Variants in MARCHF10 observed in about 807,000 individuals in gnomAD.
MARCHF10 encodes probable E3 ubiquitin-protein ligase MARCHF10.
MARCHF10 carries 64 observed loss-of-function variants against 76.2 expected under a neutral mutation model. The observed-to-expected ratio is 0.84, with a 90% CI of 0.69 to 1.03. The LOEUF (loss-of-function observed/expected upper bound fraction) is 1.03, where lower values mean the gene tolerates loss of function less well. Among genes scored for constraint, MARCHF10 ranks in the 50% least tolerant of loss-of-function variants. The probability of loss-of-function intolerance (pLI) is 0.00; values close to 1 mark genes in which losing one functional copy is unlikely to be tolerated. For synonymous variants in MARCHF10, 340 were observed against 357.5 expected (o/e 0.95, Z 0.55); for missense variants, 875 against 958.0 (o/e 0.91, Z 1.14).
intron 9 of MARCHF10, among the ~76,000 whole-genome samples, chr17:62,706,754 G>A (rs1568087965): frequency 1.3e-5 from 2 of 152,144 alleles, no homozygotes; most frequent in Non-Finnish European, 2.9e-5. Context: ...ACAGAGTAGG[G>A]TCCTTGCTCC....
chr17:62,797,835 G>A (rs148617640), intron 2 of MARCHF10, among the ~76,000 whole-genome samples: 231 of 152,326 alleles, frequency 1.5e-3, no homozygotes, highest in African/African-American at 5.4e-3. Context: ...AATGGTCTTG[G>A]ACAGAAATTA....
chr17:62,714,331 C>T (rs1174735309), intron 8 of MARCHF10: 1 of 926,548 alleles, frequency 1.1e-6, no homozygotes, highest in Non-Finnish European at 1.3e-6. Context: ...ACCAAAGGGA[C>T]TCAATTTGTA....
intron 9 of MARCHF10, among the ~76,000 whole-genome samples, chr17:62,708,114 T>A (rs1235031448): frequency 6.6e-6 from 1 of 151,978 alleles, no homozygotes; most frequent in Non-Finnish European, 1.5e-5. Context: ...AGAAAGAAAA[T>A]CTTTGAGTAA....
In MARCHF10 at chr17:62,746,803, G is replaced by A. The variant is rs539191161; in HGVS notation, c.383-2275C>T. On this transcript the variant is annotated intron_variant, in intron 4 of 10. Coordinates refer to ENST00000311269, the MANE Select transcript of MARCHF10 (RefSeq NM_152598.4). ...CCAGCAGAATATTCAAAGTTCCCAC[G>A]CACCCCAGGCAGCAGAACTTCACAC... 53 of 1,082,156 alleles carry A rather than the reference G, an allele frequency of 4.9e-5. 1 individual carries two copies. Among genetic ancestry groups the A allele is most frequent in the Middle Eastern group, 2.1e-4 (1 of 4,688 alleles). The allele number at this position is 1,082,156 out of a possible 1,614,324, so 67.0% of individuals were successfully genotyped here.
Position 62,744,521 on chromosome 17 carries a change from T to C in MARCHF10, c.390A>G (p.Gln130=), listed in dbSNP as rs2091634490. 1 of 1,613,640 alleles carries C rather than the reference T, an allele frequency of 6.2e-7. No individual in the cohort carries two copies. The change falls in exon 5 of 11, where the codon CAA becomes CAG. Residue 130 remains glutamine, a synonymous_variant. Transcript: ENST00000311269. The part of the protein sequence containing the change: ...VDPSEPSPAD[Q]APMVLLRKRK... ...TCTTTCTTAATAAAACCATTGGTGC[T>C]TGGTCTGCTGAAAGATGCAAAGTCT...
chr17:62,789,069 C>CAAAAA (rs34556672), intron 2 of MARCHF10, among the ~76,000 whole-genome samples: 1 of 36,884 alleles, frequency 2.7e-5, no homozygotes, highest in Admixed American at 3.7e-4. Context: ...GACTCCGTCT[C>CAAAAA]AAAAAAAAAA....
At chr17:62,707,126 A>G (rs2089640399) in intron 9 of MARCHF10, among the ~76,000 whole-genome samples, 1 of 152,162 alleles carries the variant, frequency 6.6e-6, no homozygotes, top group Admixed American at 6.5e-5. Flanking sequence ...CCATTGCAGC[A>G]GCCTCCCGGC....
In MARCHF10 at chr17:62,738,277, C is replaced by T. The variant is rs1222737352; in HGVS notation, c.536-945G>A. 1.3e-5 allele frequency among the ~76,000 whole-genome samples: 2 copies of T among 152,190 alleles called. No homozygotes were observed. The highest frequency in any genetic ancestry group is 2.9e-5 in the Non-Finnish European group (2 of 68,042). On this transcript the variant is annotated intron_variant, in intron 5 of 10. Transcript: ENST00000311269. The surrounding 1 kb of genome is among the most constrained non-coding windows in gnomAD (Gnocchi z 4.0). ...CTAGGGTTTGTGTTCTTAACCACCA[C>T]CCTGTGTTAGCCCTTAAGAAACTGG...
intron 5 of MARCHF10, among the ~76,000 whole-genome samples, chr17:62,742,395 C>A (rs2091547464): frequency 6.6e-6 from 1 of 152,174 alleles, no homozygotes; most frequent in African/African-American, 2.4e-5. Context: ...TTATCTCTGT[C>A]ATATTTGCTT....
chr17:62,761,430 C>CT (rs755034889), intron 3 of MARCHF10, among the ~76,000 whole-genome samples: 40 of 151,126 alleles, frequency 2.6e-4, no homozygotes, highest in African/African-American at 6.8e-4. Context: ...TTCTTTTTTT[C>CT]TTTTTTTTGA....
chr17:62,765,421 C>G (rs1415158237), intron 3 of MARCHF10, among the ~76,000 whole-genome samples: 6 of 148,514 alleles, frequency 4.0e-5, no homozygotes, highest in Admixed American at 3.3e-4. Flanking sequence ...GCCTAAATAT[C>G]ACAGGCACCT....
At chr17:62,720,610 C>G (rs1256596741) in intron 8 of MARCHF10, among the ~76,000 whole-genome samples, 1 of 152,166 alleles carries the variant, frequency 6.6e-6, no homozygotes, top group Non-Finnish European at 1.5e-5. Flanking sequence ...GTTACTTTCC[C>G]CCTCCCCCTG....
intron 4 of MARCHF10, 90 bp downstream of exon 4, chr17:62,759,745 A>T: frequency 7.4e-7 from 1 of 1,350,566 alleles, no homozygotes; most frequent in Non-Finnish European, 1.0e-6. Context: ...TGCTGGGATT[A>T]CAGGCGTGAG....
At chr17:62,756,629 G>C (rs772915315) in intron 4 of MARCHF10, among the ~76,000 whole-genome samples, 2 of 152,178 alleles carry the variant, frequency 1.3e-5, no homozygotes, top group Non-Finnish European at 2.9e-5. Context: ...CACAGCGGCA[G>C]GGACTGTCCT....
chr17:62,705,936 A>C (rs1472312992), intron 9 of MARCHF10, among the ~76,000 whole-genome samples: 1 of 152,242 alleles, frequency 6.6e-6, no homozygotes, highest in African/African-American at 2.4e-5. Flanking sequence ...CTAATTGGCC[A>C]CTTGCCTCAC....
intron 3 of MARCHF10, among the ~76,000 whole-genome samples, chr17:62,772,092 G>A (rs2092459275): frequency 6.6e-6 from 1 of 152,150 alleles, no homozygotes; most frequent in African/African-American, 2.4e-5. Context: ...GTCCCATTCT[G>A]ATGCATAATA....
chr17:62,710,419 T>A (rs904902376), intron 9 of MARCHF10, among the ~76,000 whole-genome samples: 1 of 151,700 alleles, frequency 6.6e-6, no homozygotes, highest in South Asian at 2.1e-4. Flanking sequence ...AAAAGGAGGG[T>A]GAGATTCTTG....
intron 2 of MARCHF10, among the ~76,000 whole-genome samples, chr17:62,800,806 G>A (rs79234320): frequency 0.013 from 1,964 of 152,172 alleles, 24 homozygotes; most frequent in Non-Finnish European, 0.016. Flanking sequence ...TGCCAGCTCC[G>A]GGTGACTGCA....
chr17:62,764,726 C>T (rs1334674805), intron 3 of MARCHF10, among the ~76,000 whole-genome samples: 2 of 152,148 alleles, frequency 1.3e-5, no homozygotes, highest in African/African-American at 2.4e-5. Context: ...GCTACCTTTA[C>T]GTAGTCATGA....
Sources: gnomAD v4.1 joint callset for allele counts (sites outside exome capture counted in the v4.1 genomes callset) on GRCh38, gnomAD v4.1.1 for gene constraint, Gnocchi (gnomAD v3.1) non-coding constraint, MANE v1.5 for transcripts, NCBI Gene and HGNC (gene_info 2026-07-23, HGNC 2026-07-21) for gene names.